Variants in MVB12B observed in about 807,000 individuals in gnomAD.
MVB12B encodes ESCRT-I complex subunit MVB12B.
MVB12B carries 16 observed loss-of-function variants against 41.6 expected under a neutral mutation model. That is an observed-to-expected ratio of 0.38 (90% CI 0.26 to 0.58). The LOEUF is 0.58. Among genes scored for constraint, MVB12B ranks in the 20% least tolerant of loss-of-function variants. The pLI is 0.62. For missense variants in MVB12B, 274 were observed against 380.2 expected, an observed-to-expected ratio of 0.72 and a Z score of 2.32; for synonymous variants, 133 against 139.7, an observed-to-expected ratio of 0.95 and a Z score of 0.34.
At chr9:126,490,209 C>G (rs999377728) in intron 9 of MVB12B, among the ~76,000 whole-genome samples, 4 of 152,170 alleles carry the variant, frequency 2.6e-5, no homozygotes, top group Non-Finnish European at 5.9e-5. Context: ...TGGGAGCTGC[C>G]TGGCTCTGCA....
chr9:126,495,061 G>A (rs1833802306), intron 9 of MVB12B, among the ~76,000 whole-genome samples: 2 of 152,032 alleles, frequency 1.3e-5, no homozygotes, highest in South Asian at 2.1e-4. Context: ...GTGTGGTGGT[G>A]CATGCCTGTA....
At chr9:126,349,670 A>C (rs773705834) in intron 2 of MVB12B, among the ~76,000 whole-genome samples, 1 of 152,202 alleles carries the variant, frequency 6.6e-6, no homozygotes, top group Non-Finnish European at 1.5e-5. Flanking sequence ...CAGAGAGTCT[A>C]TTGTGTGGGT....
At chr9:126,434,781 A>G (rs1832425736) in intron 7 of MVB12B, among the ~76,000 whole-genome samples, 2 of 152,284 alleles carry the variant, frequency 1.3e-5, no homozygotes, top group Middle Eastern at 6.8e-3. Context: ...TTGGCTATTT[A>G]TGCTTCTTGT....
At chr9:126,445,578 C>T (rs1327611567) in intron 7 of MVB12B, among the ~76,000 whole-genome samples, 1 of 152,268 alleles carries the variant, frequency 6.6e-6, no homozygotes, top group Non-Finnish European at 1.5e-5. Context: ...GCTGGGATTA[C>T]AGGCGTGAGC....
rs143051363 is a variant in MVB12B, at chr9:126,348,233, T to C, written c.204+7603T>C. ...ACTGAAATGCGGAAAGTGGTTTTTG[T>C]AACTAGCCCTGGGCCTTTGTTCCCT... On this transcript the variant is annotated intron_variant, in intron 2 of 9. Coordinates refer to ENST00000361171, the MANE Select transcript of MVB12B (RefSeq NM_033446.3). Among the ~76,000 whole-genome samples, 147 of 152,360 alleles carry C rather than the reference T, an allele frequency of 9.6e-4. 2 individuals carry two copies. Among genetic ancestry groups the C allele is most frequent in the African/African-American group, 3.5e-3 (144 of 41,584 alleles).
At position 126,504,843 on chromosome 9, in the gene MVB12B, T is replaced by C. The variant is rs981365152; in HGVS notation, c.*1580T>C. 4 of 152,444 alleles carry C rather than the reference T, an allele frequency of 2.6e-5. No individual in the cohort carries two copies. The highest frequency in any genetic ancestry group is 9.7e-5 in the African/African-American group (4 of 41,438). The allele number at this position is 152,444 out of a possible 1,614,324, so 9.4% of individuals were successfully genotyped here. A position where few individuals can be genotyped will look rare whatever the true frequency, so the allele number is the denominator to read the frequency against. On this transcript the variant is annotated 3_prime_UTR_variant, in exon 10 of 10. Coordinates refer to ENST00000361171, the MANE Select transcript of MVB12B (RefSeq NM_033446.3). ...GGGTGGCCTTCTCAGGACTCCTGGG[T>C]GGCACAGCAGCAGGACCTTGTCATG...
intron 9 of MVB12B, among the ~76,000 whole-genome samples, chr9:126,490,992 C>A (rs1833719486): frequency 6.6e-6 from 1 of 152,174 alleles, no homozygotes; most frequent in African/African-American, 2.4e-5. Context: ...ATTATAATTG[C>A]TCTTAGCCAC....
At position 126,408,634 on chromosome 9, in the gene MVB12B, G is replaced by C. The variant is rs567763624; in HGVS notation, c.662+12937G>C. ...GGATGTCCCTCCTTTTCGGCTTCTCGGTGGAGGCTGGAAGCAGAAAGGTCT... is the reference window on the plus strand; with the variant it reads ...GGATGTCCCTCCTTTTCGGCTTCTCCGTGGAGGCTGGAAGCAGAAAGGTCT... On this transcript the variant is annotated intron_variant, in intron 6 of 9. Coordinates refer to ENST00000361171, the MANE Select transcript of MVB12B (RefSeq NM_033446.3). Among the ~76,000 whole-genome samples the C allele has an allele frequency of 1.2e-4, 19 of 152,180 alleles. No individual in the cohort carries two copies. The East Asian group carries it at 2.9e-3, about 23-fold the overall frequency.
chr9:126,392,151 C>T lies in MVB12B; in HGVS notation c.495C>T (p.Ile165=), dbSNP rs1425736081. The T allele has an allele frequency of 1.2e-5, 20 of 1,614,062 alleles. No individual in the cohort carries two copies. Among genetic ancestry groups the T allele is most frequent in the Non-Finnish European group, 1.6e-5 (19 of 1,180,036 alleles). ...AAGCTGCGATTTGTGACATTCGGAT[C>T]ATGGGCCGGACCAAGCAGGCCCCGC... The part of the protein sequence containing the change: ...STEAAICDIR[I]MGRTKQAPPQ... The change falls in exon 5 of 10, where the codon ATC becomes ATT. Residue 165 remains isoleucine, a synonymous_variant. Coordinates refer to ENST00000361171, the MANE Select transcript of MVB12B (RefSeq NM_033446.3). This position sits in a 1 kb window ranked among gnomAD's most constrained non-coding sequence, Gnocchi z 4.8.
At chr9:126,379,682 G>A (rs935486533) in intron 2 of MVB12B, among the ~76,000 whole-genome samples, 3 of 152,208 alleles carry the variant, frequency 2.0e-5, no homozygotes, top group Non-Finnish European at 2.9e-5. Flanking sequence ...GAAAAACAAG[G>A]ATTTTTTCTT....
At position 126,486,068 on chromosome 9, in the gene MVB12B, G is replaced by A. The variant is rs1332096024; in HGVS notation, c.873+2036G>A. On this transcript the variant is annotated intron_variant, in intron 9 of 9. Coordinates refer to ENST00000361171, the MANE Select transcript of MVB12B (RefSeq NM_033446.3). This position sits in a 1 kb window ranked among gnomAD's most constrained non-coding sequence, Gnocchi z 4.7. ...TGAAATCAAGCAAAATTGAATCAAT[G>A]TAGTACAACAAATTTCTAAACCTGT... 1.3e-5 allele frequency among the ~76,000 whole-genome samples: 2 copies of A among 152,180 alleles called. No individual in the cohort carries two copies. Among genetic ancestry groups the A allele is most frequent in the Non-Finnish European group, 2.9e-5 (2 of 68,036 alleles).
chr9:126,397,646 G>A, intron 6 of MVB12B: 1 of 985,378 alleles, frequency 1.0e-6, no homozygotes, highest in Non-Finnish European at 1.2e-6. Flanking sequence ...AAGTTCTCCT[G>A]TGCGGTAATT....
intron 2 of MVB12B, among the ~76,000 whole-genome samples, chr9:126,369,850 T>A (rs1175805346): frequency 3.9e-5 from 6 of 152,072 alleles, no homozygotes; most frequent in Non-Finnish European, 8.8e-5. Context: ...ACGGGGTTTC[T>A]TCATGTTGGT....
intron 6 of MVB12B, among the ~76,000 whole-genome samples, chr9:126,407,753 T>C (rs1213676328): frequency 2.6e-5 from 4 of 152,216 alleles, no homozygotes; most frequent in African/African-American, 9.7e-5. Flanking sequence ...GTGTTGTAAA[T>C]TGAGATTTTT....
intron 2 of MVB12B, among the ~76,000 whole-genome samples, chr9:126,371,311 A>G (rs1830330451): frequency 1.3e-5 from 2 of 152,180 alleles, no homozygotes. Context: ...CTCCTTCCTG[A>G]TGACTTGGAA....
intron 3 of MVB12B, among the ~76,000 whole-genome samples, chr9:126,385,769 A>G (rs1830770201): frequency 6.6e-6 from 1 of 152,184 alleles, no homozygotes; most frequent in African/African-American, 2.4e-5. Flanking sequence ...ATTTTAATGA[A>G]ATCTCCAAAG....
intron 7 of MVB12B, among the ~76,000 whole-genome samples, chr9:126,457,917 C>T (rs542167848): frequency 2.0e-4 from 30 of 152,120 alleles, no homozygotes; most frequent in East Asian, 3.8e-4. Context: ...ATAATAAAAG[C>T]GAGCAAAAAG....
At chr9:126,404,772 C>G (rs7848114) in intron 6 of MVB12B, among the ~76,000 whole-genome samples, 1 of 152,210 alleles carries the variant, frequency 6.6e-6, no homozygotes, top group African/African-American at 2.4e-5. Context: ...CGCTTTGAAG[C>G]GGGCGTTTAA....
chr9:126,440,184 C>T (rs984072950), intron 7 of MVB12B, among the ~76,000 whole-genome samples: 2 of 152,190 alleles, frequency 1.3e-5, no homozygotes, highest in African/African-American at 2.4e-5. Flanking sequence ...CCTCCTGTAA[C>T]GGGCTCTGGC....
Sources: gnomAD v4.1 joint callset for allele counts (sites outside exome capture counted in the v4.1 genomes callset) on GRCh38, gnomAD v4.1.1 for gene constraint, Gnocchi (gnomAD v3.1) non-coding constraint, MANE v1.5 for transcripts, NCBI Gene and HGNC (gene_info 2026-07-23, HGNC 2026-07-21) for gene names.